The following PRKG1 variants were observed in gnomAD, a reference collection of about 807,000 sequenced individuals.
PRKG1 encodes the protein cGMP-dependent protein kinase 1.
PRKG1 carries 35 observed loss-of-function variants against 88.1 expected under a neutral mutation model. The ratio of observed to expected loss-of-function variants is 0.40; its 90% CI spans 0.30 to 0.53. PRKG1 has a LOEUF of 0.53. Ranked by LOEUF, PRKG1 falls within the 20% of genes least tolerant of loss-of-function variation. The probability of loss-of-function intolerance (pLI) is 0.59; values close to 1 mark genes in which losing one functional copy is unlikely to be tolerated. For synonymous variants in PRKG1, 303 were observed against 292.5 expected (o/e 1.04, Z -0.37); for missense variants, 540 against 839.8 (o/e 0.64, Z 4.41).
At chr10:51,294,128 C>T (rs1840655986) in intron 2 of PRKG1, among the ~76,000 whole-genome samples, 1 of 152,120 alleles carries the variant, frequency 6.6e-6, no homozygotes, top group Admixed American at 6.5e-5. Context: ...AATTCCTTAT[C>T]AGGTATATAG....
chr10:51,452,604 C>T (rs375403957), intron 2 of PRKG1, among the ~76,000 whole-genome samples: 4 of 151,850 alleles, frequency 2.6e-5, no homozygotes, highest in Non-Finnish European at 5.9e-5. Flanking sequence ...TATTGACTTG[C>T]GTATGTGAAA....
intron 3 of PRKG1, among the ~76,000 whole-genome samples, chr10:51,785,862 A>C (rs937296642): frequency 1.1e-4 from 16 of 152,316 alleles, no homozygotes; most frequent in African/African-American, 2.9e-4. Flanking sequence ...TCATTCAGCC[A>C]ATATAGATAA....
chr10:52,014,539 T>C (rs528416394), intron 5 of PRKG1, among the ~76,000 whole-genome samples: 10 of 152,124 alleles, frequency 6.6e-5, no homozygotes, highest in Non-Finnish European at 1.3e-4. Flanking sequence ...CTGCCCCTGG[T>C]CCCTCACAAA....
intron 5 of PRKG1, among the ~76,000 whole-genome samples, chr10:51,972,114 C>G (rs528015587): frequency 5.9e-5 from 9 of 152,146 alleles, no homozygotes; most frequent in South Asian, 2.1e-4. Flanking sequence ...CATGTTTTTA[C>G]AATTATGTTC....
At chr10:52,268,047 A>G (rs1055261204) in intron 10 of PRKG1, among the ~76,000 whole-genome samples, 1 of 152,054 alleles carries the variant, frequency 6.6e-6, no homozygotes, top group African/African-American at 2.4e-5. Flanking sequence ...GTCCTCAGGT[A>G]CCCTGACTTT....
chr10:51,481,048 C>T (rs1840340744), intron 3 of PRKG1, among the ~76,000 whole-genome samples: 1 of 152,036 alleles, frequency 6.6e-6, no homozygotes, highest in Non-Finnish European at 1.5e-5. Context: ...TAATGAAACT[C>T]ATACACAGTA....
intron 5 of PRKG1, among the ~76,000 whole-genome samples, chr10:52,033,972 A>G (rs996616240): frequency 4.0e-5 from 3 of 75,214 alleles, no homozygotes; most frequent in Non-Finnish European, 6.4e-5. Flanking sequence ...CAAGGTGCTC[A>G]GTGGGGGTGC....
At chr10:51,149,688 A>G (rs1846019168) in intron 1 of PRKG1, among the ~76,000 whole-genome samples, 1 of 152,138 alleles carries the variant, frequency 6.6e-6, no homozygotes, top group African/African-American at 2.4e-5. Flanking sequence ...AGGGTGTTAG[A>G]AAAATACTCT....
At chr10:51,535,156 G>C (rs1383762083) in intron 3 of PRKG1, among the ~76,000 whole-genome samples, 1 of 152,098 alleles carries the variant, frequency 6.6e-6, no homozygotes, top group East Asian at 1.9e-4. Context: ...CTTCTCAATG[G>C]TAAGTCAGTA....
intron 4 of PRKG1, among the ~76,000 whole-genome samples, chr10:51,860,495 C>T (rs1840845127): frequency 6.6e-6 from 1 of 152,178 alleles, no homozygotes. Context: ...AGTCACATGG[C>T]CATACCCAGT....
rs779874129 is a variant in PRKG1 at position 52,256,547 on chromosome 10, A to G, written c.1173+4881A>G. Reference sequence around the variant, plus strand: ...TGTACCTCACAAGGTTGTGAAGATTAAACGAGTTAAAGCCCTCAAAATAGT... The same window carrying G: ...TGTACCTCACAAGGTTGTGAAGATTGAACGAGTTAAAGCCCTCAAAATAGT... On this transcript the variant is annotated intron_variant, in intron 10 of 17. Coordinates refer to ENST00000373980, the MANE Select transcript of PRKG1 (RefSeq NM_006258.4). Among the ~76,000 whole-genome samples the G allele has an allele frequency of 3.6e-5, 5 of 139,806 alleles. 1 individual carries two copies. The highest frequency in any genetic ancestry group is 8.1e-5 in the Non-Finnish European group (5 of 61,816). The allele number at this position is 139,806 out of a possible 152,430, so 91.7% of individuals were successfully genotyped here. A position where few individuals can be genotyped will look rare whatever the true frequency, so the allele number is the denominator to read the frequency against.
At chr10:51,693,040 A>C (rs1025676426) in intron 3 of PRKG1, among the ~76,000 whole-genome samples, 1 of 152,054 alleles carries the variant, frequency 6.6e-6, no homozygotes, top group African/African-American at 2.4e-5. Flanking sequence ...TAATCCCAGC[A>C]CTTTGGGAGG....
intron 4 of PRKG1, among the ~76,000 whole-genome samples, chr10:51,832,411 G>A (rs987133534): frequency 3.3e-5 from 5 of 152,142 alleles, no homozygotes; most frequent in African/African-American, 7.2e-5. Context: ...TCTGTAAAAA[G>A]TAAGACAGCA....
chr10:51,503,999 C>G (rs1841114705), intron 3 of PRKG1, among the ~76,000 whole-genome samples: 4 of 151,982 alleles, frequency 2.6e-5, no homozygotes, highest in Admixed American at 1.3e-4. Flanking sequence ...ACCAAAAGAA[C>G]AAAAGTAAGA....
At chr10:52,180,945 C>G (rs181449480) in intron 9 of PRKG1, among the ~76,000 whole-genome samples, 1 of 152,106 alleles carries the variant, frequency 6.6e-6, no homozygotes, top group Non-Finnish European at 1.5e-5. Context: ...CTCAGCTGGC[C>G]TGAGTGTATG....
rs982180396 is a variant in PRKG1 at position 51,570,399 on chromosome 10, C to T, written c.592+102563C>T. Among the ~76,000 whole-genome samples the T allele has an allele frequency of 1.1e-4, 17 of 151,750 alleles. No individual in the cohort carries two copies. The East Asian group carries it at 1.4e-3, about 12-fold the overall frequency. ...ATTGTTATTAAGAAAATAAGGAAGA[C>T]GAAGTATATTTACTGTTCATTAAGT... On this transcript the variant is annotated intron_variant, in intron 3 of 17. Transcript: ENST00000373980.
rs375509297 is a variant in PRKG1 at position 52,251,678 on chromosome 10, T to C, written c.1173+12T>C. On this transcript the variant is annotated intron_variant, in intron 10 of 17. Coordinates refer to ENST00000373980, the MANE Select transcript of PRKG1 (RefSeq NM_006258.4). The stretch of plus-strand genomic sequence containing the variant: ...GACGAGTAGAACTGGTAGGTGATTG[T>C]TCTTTAAATGCTTTTGATCGCCTCT... 1.4e-5 allele frequency: 23 copies of C among 1,598,370 alleles called. No homozygotes were observed. The highest frequency in any genetic ancestry group is 1.8e-5 in the Non-Finnish European group (21 of 1,166,220).
At chr10:51,681,626 A>G (rs1411484095) in intron 3 of PRKG1, among the ~76,000 whole-genome samples, 1 of 152,122 alleles carries the variant, frequency 6.6e-6, no homozygotes, top group African/African-American at 2.4e-5. Flanking sequence ...AAATATGCAT[A>G]ATTATAGGAT....
At chr10:51,555,126 G>C (rs976221322) in intron 3 of PRKG1, among the ~76,000 whole-genome samples, 4 of 151,676 alleles carry the variant, frequency 2.6e-5, no homozygotes, top group Admixed American at 2.0e-4. Context: ...TTTGCTACAG[G>C]AATACAAGGG....
Sources: allele counts gnomAD v4.1 joint callset (sites outside exome capture counted in the v4.1 genomes callset), GRCh38; gene constraint gnomAD v4.1.1; transcripts MANE v1.5; gene names NCBI Gene and HGNC (gene_info 2026-07-23, HGNC 2026-07-21).